ELF4: variants seen among roughly 807,000 people sequenced by gnomAD.
ELF4 encodes E74 like ETS transcription factor 4.
A neutral mutation model predicts 31.7 loss-of-function variants in ELF4; 10 were observed. The observed-to-expected ratio is 0.32, with a 90% CI of 0.19 to 0.54. The LOEUF (loss-of-function observed/expected upper bound fraction) is 0.54, where lower values mean the gene tolerates loss of function less well. ELF4 is among the 20% of genes least tolerant of loss of function. The pLI, the probability that ELF4 is intolerant of heterozygous loss-of-function variation, is 0.95. For missense variants in ELF4, 418 were observed against 522.0 expected (o/e 0.80, Z 1.94); for synonymous variants, 208 against 226.7 (o/e 0.92, Z 0.74).
chrX:130,069,824 G>T, intron 7 of ELF4, 147 bp from the exon 8 acceptor site: 1 of 815,688 alleles, frequency 1.2e-6, no homozygotes, highest in Non-Finnish European at 1.7e-6. Context: ...GGGCCCAAGG[G>T]CAAGGGAAAG....
In ELF4 at chrX:130,065,825, G is replaced by C. The variant is rs1014796742; in HGVS notation, c.*896C>G. ...GGCTTTGTGGCTAGCTCTGAGGCTG[G>C]AGGGCACTTCATCCCCGTCTAAATC... On this transcript the variant is annotated 3_prime_UTR_variant, in exon 9 of 9. Transcript: ENST00000308167. 1.2e-5 allele frequency: 2 copies of C among 173,753 alleles called. No individual in the cohort carries two copies. The highest frequency in any genetic ancestry group is 5.9e-5 in the African/African-American group (2 of 33,951). 14.3% of individuals were successfully genotyped at this position (173,753 alleles called of 1,213,427 possible).
chrX:130,101,620 C>T lies in ELF4; in HGVS notation c.-210+8705G>A, dbSNP rs1380203067. 5.5e-5 allele frequency among the ~76,000 whole-genome samples: 6 copies of T among 109,262 alleles called. No homozygotes were observed. The South Asian group carries it at 1.6e-3, about 29-fold the overall frequency. 94.9% of individuals were successfully genotyped at this position (109,262 alleles called of 115,157 possible). On this transcript the variant is annotated intron_variant, in intron 1 of 8. Coordinates refer to ENST00000308167, the MANE Select transcript of ELF4 (RefSeq NM_001421.4). Reference sequence around the variant, plus strand: ...CAGCCTGACCAACATGGAGAAACCTCGTCTCTGCTAAAAATACAGAATTAG... The same window carrying T: ...CAGCCTGACCAACATGGAGAAACCTTGTCTCTGCTAAAAATACAGAATTAG...
At chrX:130,098,118 G>A (rs1316155628) in intron 1 of ELF4, among the ~76,000 whole-genome samples, 1 of 112,374 alleles carries the variant, frequency 8.9e-6, no homozygotes, top group African/African-American at 3.2e-5. Context: ...CTGAGCCATG[G>A]GCAGGCAGGG....
At chrX:130,075,253 G>A (rs184158546) in intron 2 of ELF4, among the ~76,000 whole-genome samples, 343 of 105,790 alleles carry the variant, frequency 3.2e-3, no homozygotes, top group African/African-American at 0.011. Context: ...ACAGGCGTGA[G>A]CCACCATGCC....
Position 130,081,486 on chromosome X carries a change from G to T in ELF4, c.-156C>A. 1 of 589,220 alleles carries T rather than the reference G, an allele frequency of 1.7e-6. No homozygotes were observed. The highest frequency in any genetic ancestry group is 2.8e-6 in the Non-Finnish European group (1 of 357,198). The allele number at this position is 589,220 out of a possible 1,213,427, so 48.6% of individuals were successfully genotyped here. ...GGTGGAGAGAGCTGGAGTAGGTGGT[G>T]GCCTAAGCCAGGCTCAAGGCTGCAT... On this transcript the variant is annotated 5_prime_UTR_variant, in exon 2 of 9. Coordinates refer to ENST00000308167, the MANE Select transcript of ELF4 (RefSeq NM_001421.4).
chrX:130,082,323 C>A (rs3788842), intron 1 of ELF4, among the ~76,000 whole-genome samples: 10 of 110,679 alleles, frequency 9.0e-5, no homozygotes, highest in Non-Finnish European at 1.9e-4. Flanking sequence ...TTCGTCAGCA[C>A]CCCCCTCTCA....
chrX:130,089,696 C>T lies in ELF4; in HGVS notation c.-209-8157G>A, dbSNP rs1009745093. Among the ~76,000 whole-genome samples, 7 of 111,239 alleles carry T rather than the reference C, an allele frequency of 6.3e-5. No homozygotes were observed. The East Asian group carries it at 2.0e-3, about 31-fold the overall frequency. ...GTTGCACTGTGACTCCCAAGTGACT[C>T]TTCTTCCTTGCCTCCTTCCTTGCTC... On this transcript the variant is annotated intron_variant, in intron 1 of 8. Transcript: ENST00000308167.
Position 130,081,331 on chromosome X carries a change from G to A in ELF4, c.-1C>T. On this transcript the variant is annotated 5_prime_UTR_variant, in exon 2 of 9. Transcript: ENST00000308167. ...CACTGGGCTGTAGGGTAATAGCCATGCTGTCTTTTCAGAGAGCTGACAACG... is the reference window on the plus strand; with the variant it reads ...CACTGGGCTGTAGGGTAATAGCCATACTGTCTTTTCAGAGAGCTGACAACG... The A allele has an allele frequency of 8.3e-7, 1 of 1,211,714 alleles. No individual in the cohort carries two copies.
chrX:130,077,578 G>A (rs1389753461), intron 2 of ELF4, among the ~76,000 whole-genome samples: 2 of 112,654 alleles, frequency 1.8e-5, no homozygotes, highest in African/African-American at 6.4e-5. Flanking sequence ...ACAGGCGTGA[G>A]CCACCGCACC....
At chrX:130,080,160 G>A (rs12851562) in intron 2 of ELF4, among the ~76,000 whole-genome samples, 5,393 of 111,408 alleles carry the variant, frequency 0.048, 149 homozygotes, top group Non-Finnish European at 0.074. Context: ...GGTGGCTCAC[G>A]CCTGTAATCC....
rs1932670951 is a variant in ELF4 at position 130,066,384 on chromosome X, T to C, written c.*337A>G. The C allele has an allele frequency of 1.3e-5, 4 of 309,709 alleles. No homozygotes were observed. The highest frequency in any genetic ancestry group is 2.3e-5 in the Non-Finnish European group (4 of 177,392). 25.5% of individuals were successfully genotyped at this position (309,709 alleles called of 1,213,427 possible). On this transcript the variant is annotated 3_prime_UTR_variant, in exon 9 of 9. Transcript: ENST00000308167. ...TGTGTAGGGAATGCAGCCAGTGAGA[T>C]AGAGCCAGGTAGAAGGGCTCTTCTC... is the stretch of plus-strand genomic sequence containing the variant.
At chrX:130,085,459 C>A (rs1009029212) in intron 1 of ELF4, among the ~76,000 whole-genome samples, 2 of 111,910 alleles carry the variant, frequency 1.8e-5, no homozygotes, top group Admixed American at 9.5e-5. Context: ...CTGGGGCTGT[C>A]ACTGAAACAT....
chrX:130,069,517 C>G lies in ELF4; in HGVS notation c.970G>C (p.Ala324Pro). The G allele has an allele frequency of 8.3e-7, 1 of 1,211,777 alleles. No individual in the cohort carries two copies. Among genetic ancestry groups the G allele is most frequent in the East Asian group, 3.0e-5 (1 of 33,848 alleles). ...GAGCTGGTTCGCCGGGTGGTACTGG[C>G]AGAGGCCACAGAGGCCGTGGAGGCC... Reference protein sequence around the residue: ...PQASTASVASASTTRRTSSRV... With the variant: ...PQASTASVASPSTTRRTSSRV... The change falls in exon 8 of 9, where the codon GCC becomes CCC. Residue 324 changes from alanine to proline, a missense_variant. By Grantham distance (27) the Ala-to-Pro change is conservative. Transcript: ENST00000308167.
chrX:130,067,823 T>A (rs1485067318), intron 8 of ELF4, among the ~76,000 whole-genome samples: 1 of 109,989 alleles, frequency 9.1e-6, no homozygotes, highest in East Asian at 2.8e-4. Flanking sequence ...TAATTTATTT[T>A]TTTTTTTGAG....
intron 1 of ELF4, among the ~76,000 whole-genome samples, chrX:130,083,270 C>T (rs895424036): frequency 1.0e-5 from 1 of 95,742 alleles, no homozygotes; most frequent in African/African-American, 3.9e-5. Flanking sequence ...CCCACCACCA[C>T]CCCACCCCCA....
rs1603193606 is a variant in ELF4, at chrX:130,064,020, G to C, written c.*2701C>G. On this transcript the variant is annotated 3_prime_UTR_variant, in exon 9 of 9. Coordinates refer to ENST00000308167, the MANE Select transcript of ELF4 (RefSeq NM_001421.4). ...TATTATTATTATTATTATACTTTAAGTTCTGGGATACATGTGCAGAACGTG... is the reference window on the plus strand; with the variant it reads ...TATTATTATTATTATTATACTTTAACTTCTGGGATACATGTGCAGAACGTG... Among the ~76,000 whole-genome samples, 1 of 101,311 alleles carries C rather than the reference G, an allele frequency of 9.9e-6. No individual in the cohort carries two copies. The highest frequency in any genetic ancestry group is 3.2e-4 in the East Asian group (1 of 3,159). 88.0% of individuals were successfully genotyped at this position (101,311 alleles called of 115,157 possible). A position where few individuals can be genotyped will look rare whatever the true frequency, so the allele number is the denominator to read the frequency against.
intron 1 of ELF4, among the ~76,000 whole-genome samples, chrX:130,082,056 T>C (rs1005682192): frequency 4.5e-5 from 5 of 111,641 alleles, no homozygotes; most frequent in African/African-American, 6.5e-5. Flanking sequence ...CACTCTGTAG[T>C]GCTCTTCTGA....
intron 1 of ELF4, among the ~76,000 whole-genome samples, chrX:130,086,105 A>G (rs1490726914): frequency 2.7e-5 from 3 of 112,078 alleles, no homozygotes; most frequent in African/African-American, 9.7e-5. Context: ...TACTTAAGCA[A>G]ATGCCCAGTG....
At chrX:130,094,046 A>G (rs745895514) in intron 1 of ELF4, among the ~76,000 whole-genome samples, 2 of 111,367 alleles carry the variant, frequency 1.8e-5, no homozygotes, top group Admixed American at 1.9e-4. Flanking sequence ...AGCCTGGCCA[A>G]CATGGAGGCA....
Sources: gnomAD v4.1 joint callset for allele counts (sites outside exome capture counted in the v4.1 genomes callset) on GRCh38, gnomAD v4.1.1 for gene constraint, MANE v1.5 for transcripts, NCBI Gene and HGNC (gene_info 2026-07-23, HGNC 2026-07-21) for gene names.